CIDEA: variants seen among roughly 807,000 people sequenced by gnomAD.
The protein encoded by CIDEA is lipid transferase CIDEA.
Under a neutral mutation model 18.2 loss-of-function variants are expected in CIDEA, and 10 were observed. The observed-to-expected ratio is 0.55, with a 90% confidence interval of 0.34 to 0.93. The LOEUF (loss-of-function observed/expected upper bound fraction) is 0.93. Among genes scored for constraint, CIDEA ranks in the 40% least tolerant of loss-of-function variants. CIDEA has a pLI of 0.02. For missense variants in CIDEA, 309 were observed against 293.1 expected (o/e 1.05, Z -0.40); for synonymous variants, 128 against 124.8 (o/e 1.03, Z -0.17).
At chr18:12,260,203 GTTTGTTTGTTTT>G (rs1369106870) in intron 1 of CIDEA, among the ~76,000 whole-genome samples, 1 of 55,320 alleles carries the variant, frequency 1.8e-5, no homozygotes, top group Non-Finnish European at 4.5e-5. Context: ...TTGTTTGTTT[GTTTGTTTGTTTT>G]AGAGACAGTG....
chr18:12,277,329 G>A lies in CIDEA; in HGVS notation c.*59G>A, dbSNP rs1441426628. ...ACTGTGTTTCGTTTGGCTCAATGAC[G>A]AATGTTGAAGATGCTTTTATGTTCT... On this transcript the variant is annotated 3_prime_UTR_variant, in exon 5 of 5. Coordinates refer to ENST00000320477, the MANE Select transcript of CIDEA (RefSeq NM_001279.4). 26 of 1,578,850 alleles carry A rather than the reference G, an allele frequency of 1.6e-5. No homozygotes were observed. Among genetic ancestry groups the A allele is most frequent in the Middle Eastern group, 1.7e-4 (1 of 5,990 alleles).
At chr18:12,257,434 G>A (rs1387647936) in intron 1 of CIDEA, among the ~76,000 whole-genome samples, 3 of 152,202 alleles carry the variant, frequency 2.0e-5, no homozygotes, top group Admixed American at 2.0e-4. Flanking sequence ...TAGGTGGCAT[G>A]TAAAGAAAGC....
At chr18:12,272,578 C>G (rs1026251610) in intron 3 of CIDEA, among the ~76,000 whole-genome samples, 17 of 152,258 alleles carry the variant, frequency 1.1e-4, no homozygotes, top group African/African-American at 4.1e-4. Flanking sequence ...AAACTCCTGA[C>G]CTCAGGTCAC....
At chr18:12,274,544 T>G (rs183532666) in intron 4 of CIDEA, among the ~76,000 whole-genome samples, 52 of 152,354 alleles carry the variant, frequency 3.4e-4, no homozygotes, top group Non-Finnish European at 6.5e-4. Flanking sequence ...AGGAACCACA[T>G]TCATTTTAAG....
chr18:12,264,352 C>A lies in CIDEA; in HGVS notation c.229C>A (p.Leu77Met), dbSNP rs1396837261. The change falls in exon 3 of 5, where the codon CTG (leucine) becomes ATG (methionine). Residue 77 changes from leucine (L) to methionine (M), a missense_variant. Leu to Met is a conservative substitution (Grantham distance 15, BLOSUM62 2). Transcript: ENST00000320477. ...VIATGLVTLV[L>M]EEDGTVVDTE... Reference sequence around the variant, plus strand: ...CGCTACCGGACTGGTCACTCTGGTGCTGGAGGAAGATGGCACCGTGGTGGA... The same window carrying A: ...CGCTACCGGACTGGTCACTCTGGTGATGGAGGAAGATGGCACCGTGGTGGA... 6.2e-7 allele frequency: 1 copy of A among 1,614,006 alleles called. No individual in the cohort carries two copies. Among genetic ancestry groups the A allele is most frequent in the Non-Finnish European group, 8.5e-7 (1 of 1,179,904 alleles).
chr18:12,255,525 A>G (rs1490182000), intron 1 of CIDEA, among the ~76,000 whole-genome samples: 1 of 152,210 alleles, frequency 6.6e-6, no homozygotes, highest in African/African-American at 2.4e-5. Flanking sequence ...GTGTATGGTC[A>G]TTAACACGCT....
chr18:12,270,323 A>G (rs1024859545), intron 3 of CIDEA, among the ~76,000 whole-genome samples: 1 of 151,838 alleles, frequency 6.6e-6, no homozygotes, highest in African/African-American at 2.4e-5. Flanking sequence ...ATATAACCTC[A>G]CAATTTTCCT....
At chr18:12,259,435 T>A (rs1266336468) in intron 1 of CIDEA, among the ~76,000 whole-genome samples, 2 of 152,252 alleles carry the variant, frequency 1.3e-5, no homozygotes, top group African/African-American at 4.8e-5. Flanking sequence ...TGGACAGACC[T>A]GGGATCAGGT....
chr18:12,262,898 C>A lies in CIDEA; in HGVS notation c.112C>A (p.Arg38=), dbSNP rs150760390. Residue 38 remains arginine, a synonymous_variant, in exon 2 of 5, where the codon CGG becomes AGG. Transcript: ENST00000320477. ...GCTCATGCATCCAGCTCGCCCTTTC[C>A]GGGTCTCCAACCATGACAGGAGCAG... ...TPLMHPARPF[R]VSNHDRSSRR... 75 of 1,614,070 alleles carry A rather than the reference C, an allele frequency of 4.6e-5. No individual in the cohort carries two copies. Among genetic ancestry groups the A allele is most frequent in the Non-Finnish European group, 6.3e-5 (74 of 1,180,040 alleles).
intron 4 of CIDEA, among the ~76,000 whole-genome samples, chr18:12,274,566 T>C (rs1303075441): frequency 6.6e-6 from 1 of 152,200 alleles, no homozygotes; most frequent in Admixed American, 6.5e-5. Flanking sequence ...ACTAGAGCAC[T>C]TAATTCTAGG....
At position 12,268,229 on chromosome 18, in the gene CIDEA, C is replaced by CTTTTTTTTT. The variant is rs1491473988; in HGVS notation, c.330+3776_330+3777insTTTTTTTTT. Among the ~76,000 whole-genome samples, 58 of 72,996 alleles carry CTTTTTTTTT rather than the reference C, an allele frequency of 7.9e-4. 10 individuals are homozygous for CTTTTTTTTT. Among genetic ancestry groups the CTTTTTTTTT allele is most frequent in the East Asian group, 1.2e-3 (3 of 2,510 alleles). The allele number at this position is 72,996 out of a possible 152,430, so 47.9% of individuals were successfully genotyped here. The stretch of plus-strand genomic sequence containing the variant: ...ACAAGTGCCTGCCACCATGCCCGGC[C>CTTTTTTTTT]ATTTTTTTTTTTTTTTTTTTTTTCA... On this transcript the variant is annotated intron_variant, in intron 3 of 4. Coordinates refer to ENST00000320477, the MANE Select transcript of CIDEA (RefSeq NM_001279.4).
At chr18:12,276,283 A>G (rs931121042) in intron 4 of CIDEA, among the ~76,000 whole-genome samples, 3 of 150,968 alleles carry the variant, frequency 2.0e-5, no homozygotes, top group African/African-American at 7.3e-5. Context: ...CATGAACCAC[A>G]TTCCAGGCCC....
intron 1 of CIDEA, chr18:12,254,808 G>A (rs757751669): frequency 7.4e-7 from 1 of 1,347,936 alleles, no homozygotes; most frequent in Non-Finnish European, 9.8e-7. Context: ...CCCGAGCAAA[G>A]CTTCCGCGAT....
intron 1 of CIDEA, among the ~76,000 whole-genome samples, chr18:12,261,340 G>T (rs1348969187): frequency 6.6e-6 from 1 of 152,072 alleles, no homozygotes; most frequent in Non-Finnish European, 1.5e-5. Context: ...AACCATTCCA[G>T]TCTGGGCAAC....
At chr18:12,273,509 TC>T (rs1912609147) in intron 3 of CIDEA, among the ~76,000 whole-genome samples, 1 of 152,264 alleles carries the variant, frequency 6.6e-6, no homozygotes, top group African/African-American at 2.4e-5. Context: ...CAGGGGGGTC[TC>T]CTCCCACCCA....
rs983475623 is a variant in CIDEA, at chr18:12,277,537, G to T, written c.*267G>T. Reference sequence around the variant, plus strand: ...GGCGTGCCCAGGAGCGTGTGCATGTGTCAGAGCCATTTGGTCCATCATCTC... The same window carrying T: ...GGCGTGCCCAGGAGCGTGTGCATGTTTCAGAGCCATTTGGTCCATCATCTC... On this transcript the variant is annotated 3_prime_UTR_variant, in exon 5 of 5. Coordinates refer to ENST00000320477, the MANE Select transcript of CIDEA (RefSeq NM_001279.4). 9.7e-6 allele frequency: 4 copies of T among 414,310 alleles called. No individual in the cohort carries two copies. In the South Asian group the frequency reaches 1.5e-4, roughly 16 times the overall value. The allele number at this position is 414,310 out of a possible 1,614,324, so 25.7% of individuals were successfully genotyped here.
intron 3 of CIDEA, among the ~76,000 whole-genome samples, chr18:12,271,947 C>T (rs987910948): frequency 2.6e-5 from 4 of 152,062 alleles, no homozygotes; most frequent in Non-Finnish European, 5.9e-5. Context: ...AGACTGGAGA[C>T]ATTTAGGGAG....
At chr18:12,269,255 A>G (rs1344968600) in intron 3 of CIDEA, among the ~76,000 whole-genome samples, 5 of 152,188 alleles carry the variant, frequency 3.3e-5, no homozygotes, top group African/African-American at 9.7e-5. Flanking sequence ...CTGCTTCTTT[A>G]TATTCAGTCT....
chr18:12,254,695 G>A lies in CIDEA; in HGVS notation c.38+274G>A, dbSNP rs141878525. Reference sequence around the variant, plus strand: ...AGGTACCAGGTGTGGCTCTTGCGAGGTGCGCGGGCGTCTGCAAACCAGGTG... The same window carrying A: ...AGGTACCAGGTGTGGCTCTTGCGAGATGCGCGGGCGTCTGCAAACCAGGTG... On this transcript the variant is annotated intron_variant, in intron 1 of 4. Coordinates refer to ENST00000320477, the MANE Select transcript of CIDEA (RefSeq NM_001279.4). 2.7e-6 allele frequency: 4 copies of A among 1,504,576 alleles called. No individual in the cohort carries two copies. In the African/African-American group the frequency reaches 5.5e-5, roughly 21 times the overall value. The allele number at this position is 1,504,576 out of a possible 1,614,324, so 93.2% of individuals were successfully genotyped here. A position where few individuals can be genotyped will look rare whatever the true frequency, so the allele number is the denominator to read the frequency against.
Sources: gnomAD v4.1 joint callset for allele counts (sites outside exome capture counted in the v4.1 genomes callset) on GRCh38, gnomAD v4.1.1 for gene constraint, MANE v1.5 for transcripts, NCBI Gene and HGNC (gene_info 2026-07-23, HGNC 2026-07-21) for gene names.